TAGLN3: variants seen among roughly 807,000 people sequenced by gnomAD.
The protein encoded by TAGLN3 is transgelin 3.
Under a neutral mutation model 25.4 loss-of-function variants are expected in TAGLN3, and 12 were observed. The observed-to-expected ratio is 0.47, with a 90% CI of 0.30 to 0.77. The LOEUF (loss-of-function observed/expected upper bound fraction) is 0.77. TAGLN3 is among the 30% of genes least tolerant of loss of function. The pLI is 0.06. For missense variants in TAGLN3, 218 were observed against 255.8 expected (o/e 0.85, Z 1.01); for synonymous variants, 96 against 94.8 (o/e 1.01, Z -0.08).
chr3:112,003,221 G>A (rs2072880774), intron 3 of TAGLN3, among the ~76,000 whole-genome samples: 1 of 152,162 alleles, frequency 6.6e-6, no homozygotes, highest in African/African-American at 2.4e-5. Flanking sequence ...TGACTCTATG[G>A]AATGGCCAAA....
intron 4 of TAGLN3, 102 bp downstream of exon 4, chr3:112,011,967 G>A (rs2072981802): frequency 9.4e-7 from 1 of 1,068,398 alleles, no homozygotes; most frequent in Admixed American, 2.6e-5. Context: ...CAAAGCCCCA[G>A]GACCAAGCAC....
At chr3:112,005,861 C>T (rs535540843) in intron 3 of TAGLN3, among the ~76,000 whole-genome samples, 18 of 151,208 alleles carry the variant, frequency 1.2e-4, no homozygotes, top group Admixed American at 3.3e-4. Context: ...CCACCACGCC[C>T]GGCTAATTTT....
chr3:112,002,771 C>T (rs531843077), intron 3 of TAGLN3, among the ~76,000 whole-genome samples: 2 of 152,276 alleles, frequency 1.3e-5, no homozygotes, highest in African/African-American at 2.4e-5. Flanking sequence ...TTGTCTCTCC[C>T]CTTTTTACAA....
chr3:112,007,801 A>G (rs995320024), intron 3 of TAGLN3, among the ~76,000 whole-genome samples: 5 of 152,226 alleles, frequency 3.3e-5, no homozygotes, highest in African/African-American at 1.2e-4. Context: ...TGTGGAGGAT[A>G]TCTCTGAAGA....
intron 3 of TAGLN3, among the ~76,000 whole-genome samples, chr3:112,007,928 C>T (rs1478620801): frequency 6.6e-6 from 1 of 152,172 alleles, no homozygotes; most frequent in Non-Finnish European, 1.5e-5. Flanking sequence ...ATCTGGCTGC[C>T]TCACAATCAT....
intron 3 of TAGLN3, among the ~76,000 whole-genome samples, chr3:112,009,765 A>G (rs1576080934): frequency 6.6e-6 from 1 of 152,140 alleles, no homozygotes; most frequent in East Asian, 1.9e-4. Context: ...TCTTAAGGAA[A>G]AAATTCCAAT....
At chr3:112,004,773 G>A (rs1189096344) in intron 3 of TAGLN3, among the ~76,000 whole-genome samples, 1 of 152,120 alleles carries the variant, frequency 6.6e-6, no homozygotes, top group East Asian at 1.9e-4. Context: ...GAAAATAAGG[G>A]AGGGAAAAGT....
At chr3:112,003,314 A>T (rs897502082) in intron 3 of TAGLN3, among the ~76,000 whole-genome samples, 2 of 152,150 alleles carry the variant, frequency 1.3e-5, no homozygotes, top group African/African-American at 4.8e-5. Flanking sequence ...AATGCTGGTC[A>T]CCATACAACA....
intron 3 of TAGLN3, among the ~76,000 whole-genome samples, chr3:112,008,677 C>T (rs935284149): frequency 6.6e-6 from 1 of 152,104 alleles, no homozygotes; most frequent in Non-Finnish European, 1.5e-5. Flanking sequence ...TGGAAAGAGG[C>T]CCTCTTCCCA....
At chr3:112,003,442 T>C (rs1166416281) in intron 3 of TAGLN3, among the ~76,000 whole-genome samples, 1 of 152,138 alleles carries the variant, frequency 6.6e-6, no homozygotes, top group Non-Finnish European at 1.5e-5. Flanking sequence ...CTGCAAGAAC[T>C]GGTTGTTGCT....
chr3:112,002,650 C>CT (rs1023935455), intron 3 of TAGLN3, among the ~76,000 whole-genome samples: 1 of 150,478 alleles, frequency 6.6e-6, no homozygotes. Context: ...GAGTCCCCCC[C>CT]CCACCCCACA....
rs1439686525 is a variant in TAGLN3 at position 112,013,652 on chromosome 3, A to C, written c.*101A>C. 3 of 1,548,666 alleles carry C rather than the reference A, an allele frequency of 1.9e-6. No individual in the cohort carries two copies. The Admixed American group carries it at 5.6e-5, about 29-fold the overall frequency. On this transcript the variant is annotated 3_prime_UTR_variant, in exon 5 of 5. Transcript: ENST00000478951. Reference sequence around the variant, plus strand: ...ACCTTCTGACCTTCTCCTCTTTCTCAAAGCCTTCTGTCCCTGGTTTTTGCA... The same window carrying C: ...ACCTTCTGACCTTCTCCTCTTTCTCCAAGCCTTCTGTCCCTGGTTTTTGCA...
intron 4 of TAGLN3, 75 bp downstream of exon 4, chr3:112,011,940 T>C: frequency 7.3e-7 from 1 of 1,378,504 alleles, no homozygotes; most frequent in South Asian, 1.3e-5. Context: ...CTTGGAACTC[T>C]ACAGAGGCTT....
intron 3 of TAGLN3, among the ~76,000 whole-genome samples, chr3:112,006,754 T>C (rs769645648): frequency 6.6e-6 from 1 of 152,230 alleles, no homozygotes; most frequent in Non-Finnish European, 1.5e-5. Context: ...ATCCTTTTCA[T>C]TTACTTTTTA....
At chr3:111,999,400 C>T (rs370621611) in intron 1 of TAGLN3, 21 bp from the exon 2 acceptor site, 1 of 1,610,246 alleles carries the variant, frequency 6.2e-7, no homozygotes, top group Non-Finnish European at 8.5e-7. Context: ...GGATGCCGCG[C>T]GTGTCTTCTC....
intron 3 of TAGLN3, among the ~76,000 whole-genome samples, chr3:112,005,962 A>T (rs548589988): frequency 1.6e-4 from 24 of 151,744 alleles, no homozygotes; most frequent in South Asian, 6.3e-4. Context: ...GGTTTCACTG[A>T]GTTAGCCAGG....
At chr3:112,010,717 A>G (rs1053322892) in intron 3 of TAGLN3, among the ~76,000 whole-genome samples, 7 of 152,172 alleles carry the variant, frequency 4.6e-5, no homozygotes, top group African/African-American at 1.7e-4. Flanking sequence ...GATTCAGGCA[A>G]TCACCCTGTG....
chr3:112,008,696 G>C (rs1285126506), intron 3 of TAGLN3, among the ~76,000 whole-genome samples: 1 of 152,114 alleles, frequency 6.6e-6, no homozygotes, highest in East Asian at 1.9e-4. Context: ...CATCTTGTCA[G>C]TCCAAGAGTG....
At chr3:112,011,730 G>A (rs377048490) in intron 3 of TAGLN3, 33 bp from the exon 4 acceptor site, 23 of 1,596,402 alleles carry the variant, frequency 1.4e-5, no homozygotes, top group Admixed American at 3.4e-5. Context: ...GCTCTGACAC[G>A]TGCTTGGCTT....
Sources: gnomAD v4.1 joint callset for allele counts (sites outside exome capture counted in the v4.1 genomes callset) on GRCh38, gnomAD v4.1.1 for gene constraint, MANE v1.5 for transcripts, NCBI Gene and HGNC (gene_info 2026-07-23, HGNC 2026-07-21) for gene names.